Variants in DNAH14 observed in about 807,000 individuals in gnomAD.
DNAH14 encodes the protein axonemal beta dynein heavy chain 14.
A neutral mutation model predicts 520.9 loss-of-function variants in DNAH14; 478 were observed. That is an observed-to-expected ratio of 0.92 (90% CI 0.85 to 0.99). The LOEUF (loss-of-function observed/expected upper bound fraction) is 0.99, where lower values mean the gene tolerates loss of function less well. Among genes scored for constraint, DNAH14 ranks in the 50% least tolerant of loss-of-function variants. DNAH14 has a pLI of 0.00. For synonymous variants in DNAH14, 1,581 were observed against 1,757.2 expected, an observed-to-expected ratio of 0.90 and a Z score of 2.51; for missense variants, 4,831 against 5,234.5, an observed-to-expected ratio of 0.92 and a Z score of 2.38.
At chr1:225,159,274 C>T in intron 34 of DNAH14, 40 bp from the exon 35 acceptor site, 2 of 1,513,540 alleles carry the variant, frequency 1.3e-6, no homozygotes, top group Non-Finnish European at 1.8e-6. Context: ...AGCAGACTCC[C>T]TAATTTGTTC....
intron 73 of DNAH14, among the ~76,000 whole-genome samples, chr1:225,356,410 A>G (rs1373811023): frequency 2.6e-5 from 4 of 152,106 alleles, no homozygotes; most frequent in African/African-American, 9.7e-5. Context: ...ATTTGTCATC[A>G]TATTTGCATC....
chr1:225,271,868 A>AT, intron 50 of DNAH14, 38 bp from the exon 51 acceptor site: 1 of 1,521,770 alleles, frequency 6.6e-7, no homozygotes, highest in South Asian at 1.3e-5. Context: ...TATACCTCAA[A>AT]TTTTTGGCAA....
chr1:225,343,565 C>CA lies in DNAH14; in HGVS notation c.10679-2389dup, dbSNP rs576746466. On this transcript the variant is annotated intron_variant, in intron 69 of 85. Transcript: ENST00000682510. The stretch of plus-strand genomic sequence containing the variant: ...AACTCAATTTTTGCAACCATGTTTA[C>CA]AAAAAAAAGAGCTTAATTATATTTT... Among the ~76,000 whole-genome samples the CA allele has an allele frequency of 2.6e-4, 39 of 151,204 alleles. No individual in the cohort carries two copies. In the East Asian group the frequency reaches 3.9e-3, roughly 15 times the overall value.
intron 53 of DNAH14, among the ~76,000 whole-genome samples, chr1:225,276,987 G>GGAAGGA (rs1558241801): frequency 3.1e-3 from 82 of 26,720 alleles, no homozygotes; most frequent in East Asian, 6.4e-3. Context: ...GGAAGGAAGG[G>GGAAGGA]AGGGAGGAAG....
At chr1:225,354,879 C>T (rs1016498143) in intron 73 of DNAH14, among the ~76,000 whole-genome samples, 14 of 152,154 alleles carry the variant, frequency 9.2e-5, no homozygotes, top group Non-Finnish European at 1.9e-4. Flanking sequence ...AAACTTTATT[C>T]TTGCAACACT....
At chr1:225,074,384 G>A (rs2148515074) in intron 17 of DNAH14, among the ~76,000 whole-genome samples, 1 of 152,336 alleles carries the variant, frequency 6.6e-6, no homozygotes, top group Non-Finnish European at 1.5e-5. Context: ...TCCACCCAGT[G>A]AGGAGGAACA....
In DNAH14 at chr1:225,007,511, A is replaced by T; in HGVS notation, c.1074A>T (p.Lys358Asn). ...ALKQLEDIRNKAISEMKSTFL... is the reference protein window; with the variant it reads ...ALKQLEDIRNNAISEMKSTFL... ...AACAACTTGAGGACATCAGGAATAA[A>T]GCAATTTCAGAGATGAAAAGTACTT... Residue 358 changes from lysine (K) to asparagine (N), a missense_variant, in exon 10 of 86, where the codon AAA (lysine) becomes AAT (asparagine). Transcript: ENST00000682510. 1 of 1,537,978 alleles carries T rather than the reference A, an allele frequency of 6.5e-7. No homozygotes were observed.
At chr1:225,058,962 A>G (rs976724848) in intron 17 of DNAH14, among the ~76,000 whole-genome samples, 8 of 152,178 alleles carry the variant, frequency 5.3e-5, no homozygotes, top group Admixed American at 2.0e-4. Flanking sequence ...TATGTGGTCA[A>G]TTTTTGAATA....
At chr1:225,384,637 A>G (rs2095819120) in intron 81 of DNAH14, among the ~76,000 whole-genome samples, 1 of 152,238 alleles carries the variant, frequency 6.6e-6, no homozygotes, top group African/African-American at 2.4e-5. Flanking sequence ...GAAGAAATGG[A>G]TAAATTCCTG....
intron 1 of DNAH14, among the ~76,000 whole-genome samples, chr1:224,949,742 CATT>C (rs1301195192): frequency 6.6e-6 from 1 of 152,066 alleles, no homozygotes; most frequent in Non-Finnish European, 1.5e-5. Context: ...AAGGTTCATG[CATT>C]ATTATATTTC....
intron 1 of DNAH14, among the ~76,000 whole-genome samples, chr1:224,949,842 A>G (rs914485521): frequency 6.6e-6 from 1 of 152,180 alleles, no homozygotes; most frequent in Non-Finnish European, 1.5e-5. Context: ...TTGCAAAATG[A>G]AGATATTAGA....
intron 48 of DNAH14, 42 bp from the exon 49 acceptor site, chr1:225,266,599 G>A (rs2093128108): frequency 7.5e-7 from 1 of 1,341,850 alleles, no homozygotes; most frequent in Non-Finnish European, 9.7e-7. Context: ...TTAAAGAAAG[G>A]TGTACTAATA....
chr1:225,256,442 T>TAAATA (rs747985787), intron 44 of DNAH14, among the ~76,000 whole-genome samples: 2 of 151,722 alleles, frequency 1.3e-5, no homozygotes, highest in South Asian at 4.2e-4. Context: ...AGAAAATAAA[T>TAAATA]AAATAAAATA....
intron 1 of DNAH14, among the ~76,000 whole-genome samples, chr1:224,943,871 A>G (rs1019453559): frequency 3.3e-5 from 5 of 152,010 alleles, no homozygotes; most frequent in Non-Finnish European, 7.4e-5. Context: ...GGTTTGTTAT[A>G]ATTTCTGTTC....
intron 8 of DNAH14, among the ~76,000 whole-genome samples, chr1:224,981,850 T>C (rs2062292725): frequency 6.6e-6 from 1 of 152,146 alleles, no homozygotes; most frequent in Admixed American, 6.5e-5. Context: ...TCATGCAGGA[T>C]TGTGGCAGAA....
intron 6 of DNAH14, 74 bp downstream of exon 6, chr1:224,967,657 A>G (rs1196607301): frequency 2.5e-6 from 4 of 1,598,092 alleles, no homozygotes; most frequent in Middle Eastern, 1.7e-4. Context: ...ATTTAATTGC[A>G]TACATTTATC....
At chr1:225,365,372 C>G (rs1395408001) in intron 76 of DNAH14, among the ~76,000 whole-genome samples, 1 of 152,140 alleles carries the variant, frequency 6.6e-6, no homozygotes, top group Non-Finnish European at 1.5e-5. Flanking sequence ...GACCAGGGTC[C>G]AGTTGACCAA....
chr1:225,388,440 T>C lies in DNAH14; in HGVS notation c.13139T>C (p.Leu4380Pro), dbSNP rs1478737839. ...SSWIDDLIQR[L>P]NFFNTWAKVA... ...TGGATTGATGATCTCATCCAGCGAC[T>C]GAATTTCTTCAATACTTGGGCCAAA... Residue 4380 changes from leucine to proline, a missense_variant, in exon 82 of 86, where the codon CTG becomes CCG. Transcript: ENST00000682510. 2 of 1,535,338 alleles carry C rather than the reference T, an allele frequency of 1.3e-6. No individual in the cohort carries two copies.
At position 225,038,809 on chromosome 1, in the gene DNAH14, A is replaced by G. The variant is rs1393684911; in HGVS notation, c.1474A>G (p.Thr492Ala). 3 of 1,500,724 alleles carry G rather than the reference A, an allele frequency of 2.0e-6. No homozygotes were observed. The highest frequency in any genetic ancestry group is 2.7e-6 in the Non-Finnish European group (3 of 1,127,372). The allele number at this position is 1,500,724 out of a possible 1,614,324, so 93.0% of individuals were successfully genotyped here. A position where few individuals can be genotyped will look rare whatever the true frequency, so the allele number is the denominator to read the frequency against. ...SVQKSEVKTD[T>A]DINEILNSVE... Reference sequence around the variant, plus strand: ...TCAAAAGTCAGAAGTAAAAACAGACACTGATATTAATGAGGTAAAATGATC... The same window carrying G: ...TCAAAAGTCAGAAGTAAAAACAGACGCTGATATTAATGAGGTAAAATGATC... Residue 492 changes from threonine to alanine, a missense_variant, in exon 12 of 86, where the codon ACT becomes GCT. Thr to Ala is a moderately conservative substitution (Grantham distance 58). Transcript: ENST00000682510.
Sources: allele counts gnomAD v4.1 joint callset (sites outside exome capture counted in the v4.1 genomes callset), GRCh38; gene constraint gnomAD v4.1.1; transcripts MANE v1.5; gene names NCBI Gene and HGNC (gene_info 2026-07-23, HGNC 2026-07-21).